The following MAGI1 variants were observed in gnomAD, a reference collection of about 807,000 sequenced individuals.
MAGI1 encodes membrane-associated guanylate kinase, WW and PDZ domain-containing protein 1.
A neutral mutation model predicts 139.9 loss-of-function variants in MAGI1; 58 were observed. The observed-to-expected ratio is 0.41, with a 90% CI of 0.34 to 0.52. MAGI1 has a LOEUF of 0.52. Ranked by LOEUF, MAGI1 falls within the 20% of genes least tolerant of loss-of-function variation. The pLI is 0.12. For synonymous variants in MAGI1, 812 were observed against 737.9 expected, an observed-to-expected ratio of 1.10 and a Z score of -1.63; for missense variants, 1,874 against 1,901.6, an observed-to-expected ratio of 0.99 and a Z score of 0.27.
chr3:65,794,843 G>C (rs62244009), intron 1 of MAGI1, among the ~76,000 whole-genome samples: 1 of 103,464 alleles, frequency 9.7e-6, no homozygotes, highest in African/African-American at 3.4e-5. Context: ...ACCCTCATCA[G>C]GAAAAAAAAA....
chr3:65,799,493 G>A (rs1368974117), intron 1 of MAGI1, among the ~76,000 whole-genome samples: 1 of 152,180 alleles, frequency 6.6e-6, no homozygotes, highest in Non-Finnish European at 1.5e-5. Context: ...TGCTGATGAA[G>A]AAGCAGCTGT....
Position 65,391,252 on chromosome 3 carries a change from T to G in MAGI1, c.2306A>C (p.Glu769Ala). 3.1e-6 allele frequency: 5 copies of G among 1,614,140 alleles called. No individual in the cohort carries two copies. Among genetic ancestry groups the G allele is most frequent in the Non-Finnish European group, 4.2e-6 (5 of 1,180,028 alleles). ...AGCTTGGGCCTCTGCAGGTGGGAAC[T>G]CGGGGAGCACCTGTGTGCTGTGGCT... ...SPSHSTQVLP[E>A]FPPAEAQAPD... The change falls in exon 14 of 23, where the codon GAG (glutamate) becomes GCG (alanine). Residue 769 changes from glutamate (E) to alanine (A), a missense_variant. Physicochemically the swap from Glu to Ala is moderately radical, Grantham distance 107. This residue lies in a region of MAGI1 where 482 missense variants were observed against 509.6 expected (regional missense o/e 0.95). Transcript: ENST00000402939.
chr3:65,529,378 C>G (rs2078532243), intron 2 of MAGI1, among the ~76,000 whole-genome samples: 1 of 152,162 alleles, frequency 6.6e-6, no homozygotes, highest in Admixed American at 6.5e-5. Flanking sequence ...GTTCTCCTCT[C>G]CCCCAAGTTC....
At chr3:65,461,662 G>T (rs1949809085) in intron 5 of MAGI1, among the ~76,000 whole-genome samples, 1 of 151,600 alleles carries the variant, frequency 6.6e-6, no homozygotes, top group Non-Finnish European at 1.5e-5. Context: ...CTAATTTTCT[G>T]TATTTTTAGT....
chr3:66,014,671 G>C, intron 1 of MAGI1, among the ~76,000 whole-genome samples: 1 of 152,152 alleles, frequency 6.6e-6, no homozygotes, highest in South Asian at 2.1e-4. Context: ...TTTTTAATAG[G>C]TTCTTCTCAA....
At chr3:65,880,730 A>G (rs2060291980) in intron 1 of MAGI1, among the ~76,000 whole-genome samples, 1 of 152,068 alleles carries the variant, frequency 6.6e-6, no homozygotes, top group Non-Finnish European at 1.5e-5. Context: ...GGGAAGAAAC[A>G]CTTTTAAGTT....
In MAGI1 at chr3:65,596,024, T is replaced by C. The variant is rs1046606138; in HGVS notation, c.430+25948A>G. Among the ~76,000 whole-genome samples, 5 of 152,306 alleles carry C rather than the reference T, an allele frequency of 3.3e-5. No homozygotes were observed. The South Asian group carries it at 1.0e-3, about 32-fold the overall frequency. On this transcript the variant is annotated intron_variant, in intron 2 of 22. Transcript: ENST00000402939. ...AGCTTTCAACAGCACTAAAATTCAT[T>C]GGCAAGTGATGAGCTGCGCCTTGTC...
chr3:65,468,509 G>T (rs1192055586), intron 5 of MAGI1, among the ~76,000 whole-genome samples: 1 of 150,884 alleles, frequency 6.6e-6, no homozygotes, highest in Non-Finnish European at 1.5e-5. Flanking sequence ...TCAAGTGGCT[G>T]GGACTATAGG....
intron 1 of MAGI1, among the ~76,000 whole-genome samples, chr3:65,693,584 A>G (rs1171995129): frequency 6.6e-6 from 1 of 152,204 alleles, no homozygotes; most frequent in Non-Finnish European, 1.5e-5. Flanking sequence ...TGAAATGTCT[A>G]CTGTCCTCTC....
chr3:65,995,534 A>AG (rs2066397840), intron 1 of MAGI1, among the ~76,000 whole-genome samples: 2 of 146,582 alleles, frequency 1.4e-5, no homozygotes, highest in South Asian at 4.5e-4. Context: ...GCTCCCTTAA[A>AG]GGGTTTTTTT....
At chr3:65,849,180 C>T (rs1014675779) in intron 1 of MAGI1, among the ~76,000 whole-genome samples, 1 of 151,348 alleles carries the variant, frequency 6.6e-6, no homozygotes, top group East Asian at 1.9e-4. Flanking sequence ...TGTGCCACCA[C>T]GCCTGACTAA....
intron 1 of MAGI1, among the ~76,000 whole-genome samples, chr3:65,753,496 G>A (rs916364932): frequency 3.9e-5 from 6 of 151,976 alleles, no homozygotes; most frequent in South Asian, 4.2e-4. Context: ...CGAGGCGGGA[G>A]GATCACCTGA....
At chr3:65,717,195 A>G (rs1024429820) in intron 1 of MAGI1, among the ~76,000 whole-genome samples, 1 of 152,192 alleles carries the variant, frequency 6.6e-6, no homozygotes, top group Non-Finnish European at 1.5e-5. Flanking sequence ...AAGTTAATAT[A>G]GGACAAACAA....
intron 1 of MAGI1, among the ~76,000 whole-genome samples, chr3:65,951,005 AAGGAAGGAAG>A (rs1560047030): frequency 7.7e-6 from 1 of 129,038 alleles, no homozygotes; most frequent in Non-Finnish European, 1.7e-5. Context: ...GGAAGGAAGG[AAGGAAGGAAG>A]GAAGGAAGGA....
At chr3:65,813,765 T>G (rs1264061032) in intron 1 of MAGI1, among the ~76,000 whole-genome samples, 2 of 152,218 alleles carry the variant, frequency 1.3e-5, no homozygotes, top group Non-Finnish European at 2.9e-5. Context: ...GTATTTATAA[T>G]AGGGAGATAA....
At chr3:65,479,937 G>A (rs926913487) in intron 3 of MAGI1, among the ~76,000 whole-genome samples, 4 of 152,002 alleles carry the variant, frequency 2.6e-5, no homozygotes, top group Admixed American at 6.6e-5. Context: ...GAATGCCATC[G>A]ATCCATTTAC....
At chr3:65,883,334 G>A (rs779437846) in intron 1 of MAGI1, among the ~76,000 whole-genome samples, 14 of 152,174 alleles carry the variant, frequency 9.2e-5, no homozygotes, top group African/African-American at 7.2e-5. Flanking sequence ...CACAGAAGTT[G>A]TACTAGCAAA....
intron 2 of MAGI1, among the ~76,000 whole-genome samples, chr3:65,539,848 T>C (rs2079130423): frequency 6.6e-6 from 1 of 152,234 alleles, no homozygotes; most frequent in Non-Finnish European, 1.5e-5. Context: ...TGCATTTTCC[T>C]TCTTAGCCTC....
intron 2 of MAGI1, among the ~76,000 whole-genome samples, chr3:65,532,358 T>C (rs904565798): frequency 2.6e-5 from 4 of 152,216 alleles, no homozygotes; most frequent in African/African-American, 9.7e-5. Flanking sequence ...GTTTGTGGCA[T>C]GGACTGCGAC....
Sources: gnomAD v4.1 joint callset for allele counts (sites outside exome capture counted in the v4.1 genomes callset) on GRCh38, gnomAD v4.1.1 for gene constraint, gnomAD v4.1.1 regional missense constraint, MANE v1.5 for transcripts, NCBI Gene and HGNC (gene_info 2026-07-23, HGNC 2026-07-21) for gene names.